The following TK2 variants were observed in gnomAD, a reference collection of about 807,000 sequenced individuals.
The protein encoded by TK2 is thymidine kinase 2, also known as thymidine kinase 2, mitochondrial.
In TK2, 35 loss-of-function variants were observed where a neutral mutation model predicts 41.9. The observed-to-expected ratio is 0.84, with a 90% CI of 0.64 to 1.11. TK2 has a LOEUF of 1.11. TK2 is among the 50% of genes least tolerant of loss of function. TK2 has a pLI of 0.00. For missense variants in TK2, 320 were observed against 351.1 expected, an observed-to-expected ratio of 0.91 and a Z score of 0.71; for synonymous variants, 128 against 129.1, an observed-to-expected ratio of 0.99 and a Z score of 0.06.
In TK2 at chr16:66,535,855, T is replaced by C. The variant is rs1036137254; in HGVS notation, c.285+1109A>G. 5.3e-5 allele frequency among the ~76,000 whole-genome samples: 8 copies of C among 152,344 alleles called. No homozygotes were observed. The South Asian group carries it at 8.3e-4, about 16-fold the overall frequency. ...ACAAAGTAGATACAGTCCCTGCTCC[T>C]AGTAGAACTCAGAGTCTAATGAACC... On this transcript the variant is annotated intron_variant, in intron 4 of 9. Coordinates refer to ENST00000544898, the MANE Select transcript of TK2 (RefSeq NM_004614.5).
At chr16:66,549,584 T>A in intron 1 of TK2, 1 of 1,094,466 alleles carries the variant, frequency 9.1e-7, no homozygotes, top group Non-Finnish European at 1.1e-6. Flanking sequence ...CACCAGAGTG[T>A]GAGCAGAATC....
chr16:66,545,157 GTA>G (rs1160893208), intron 2 of TK2, among the ~76,000 whole-genome samples: 1 of 151,440 alleles, frequency 6.6e-6, no homozygotes, highest in East Asian at 1.9e-4. Flanking sequence ...ATGAATATAT[GTA>G]TATGTTTATG....
At chr16:66,539,526 A>G (rs1300597371) in intron 3 of TK2, among the ~76,000 whole-genome samples, 1 of 148,668 alleles carries the variant, frequency 6.7e-6, no homozygotes, top group Non-Finnish European at 1.5e-5. Context: ...GCTTGAACCC[A>G]GGAGGCGGAG....
At chr16:66,542,024 C>G in intron 2 of TK2, 71 bp from the exon 3 acceptor site, 1 of 1,509,440 alleles carries the variant, frequency 6.6e-7, no homozygotes, top group Non-Finnish European at 9.2e-7. Context: ...ATAATGGCTA[C>G]GGAAAGGGCT....
intron 2 of TK2, among the ~76,000 whole-genome samples, chr16:66,546,035 G>C (rs1266787306): frequency 1.3e-5 from 2 of 152,058 alleles, no homozygotes; most frequent in Non-Finnish European, 2.9e-5. Flanking sequence ...AGATTGCACA[G>C]CCTGGGCAAC....
chr16:66,538,724 CCT>C (rs1317287195), intron 3 of TK2, among the ~76,000 whole-genome samples: 1 of 152,188 alleles, frequency 6.6e-6, no homozygotes, highest in East Asian at 1.9e-4. Context: ...GCCAGGGGAT[CCT>C]CTGTCAGGAA....
chr16:66,513,396 G>A (rs1050348976), intron 9 of TK2, among the ~76,000 whole-genome samples: 3 of 152,164 alleles, frequency 2.0e-5, no homozygotes, highest in South Asian at 2.1e-4. Flanking sequence ...TGTCATCCAC[G>A]GAAGGAGGAA....
In TK2 at chr16:66,511,640, T is replaced by C. The variant is rs1369589387; in HGVS notation, c.*328A>G. 3 of 422,062 alleles carry C rather than the reference T, an allele frequency of 7.1e-6. No individual in the cohort carries two copies. The highest frequency in any genetic ancestry group is 1.3e-5 in the Non-Finnish European group (3 of 224,886). 26.1% of individuals were successfully genotyped at this position (422,062 alleles called of 1,614,324 possible). On this transcript the variant is annotated 3_prime_UTR_variant, in exon 10 of 10. Coordinates refer to ENST00000544898, the MANE Select transcript of TK2 (RefSeq NM_004614.5). ...AAGGCTGAGACGATTGGTACACAGC[T>C]CCAGCGTGGTGTCAGGCACACAACA...
chr16:66,543,565 C>G (rs1965520024), intron 2 of TK2, among the ~76,000 whole-genome samples: 1 of 152,156 alleles, frequency 6.6e-6, no homozygotes, highest in Non-Finnish European at 1.5e-5. Flanking sequence ...TGCACAGAGG[C>G]CTGTTCCTTT....
chr16:66,550,063 G>T lies in TK2; in HGVS notation c.-2C>A, dbSNP rs571395929. Reference sequence around the variant, plus strand: ...GCCCCGCAGCGGCCACAGCAGCATAGCCGGGCGAGCGGATCCAGAGGCCCG... The same window carrying T: ...GCCCCGCAGCGGCCACAGCAGCATATCCGGGCGAGCGGATCCAGAGGCCCG... On this transcript the variant is annotated 5_prime_UTR_variant, in exon 1 of 10. Transcript: ENST00000544898. 1 of 1,585,368 alleles carries T rather than the reference G, an allele frequency of 6.3e-7. No homozygotes were observed. The highest frequency in any genetic ancestry group is 1.1e-5 in the South Asian group (1 of 87,400).
intron 2 of TK2, among the ~76,000 whole-genome samples, chr16:66,544,604 G>C (rs1477826711): frequency 6.6e-6 from 1 of 152,210 alleles, no homozygotes; most frequent in Non-Finnish European, 1.5e-5. Flanking sequence ...TGCTGTGGGA[G>C]CACATGGCCG....
chr16:66,529,531 G>A (rs542983219), intron 5 of TK2, among the ~76,000 whole-genome samples: 11 of 152,224 alleles, frequency 7.2e-5, no homozygotes, highest in Non-Finnish European at 1.3e-4. Context: ...TGGGGGTGAC[G>A]TTCTGGGGGC....
chr16:66,515,290 G>A (rs532327184), intron 8 of TK2, among the ~76,000 whole-genome samples: 4 of 152,042 alleles, frequency 2.6e-5, no homozygotes, highest in South Asian at 2.1e-4. Context: ...TAAACCCTCC[G>A]CTCTGTCTTG....
At chr16:66,548,690 G>A (rs1965683778) in intron 2 of TK2, 4 of 401,196 alleles carry the variant, frequency 1.0e-5, no homozygotes, top group South Asian at 2.9e-5. Flanking sequence ...CACAATGAGC[G>A]TTTTTCAAAT....
rs1440616690 is a variant in TK2 at position 66,510,580 on chromosome 16, A to G, written c.*1388T>C. On this transcript the variant is annotated 3_prime_UTR_variant, in exon 10 of 10. Transcript: ENST00000544898. ...GAGCATTGCATGCACAGGTGCCCACACTCACAGGGGCCTGGGAGCGGCCTT... is the reference window on the plus strand; with the variant it reads ...GAGCATTGCATGCACAGGTGCCCACGCTCACAGGGGCCTGGGAGCGGCCTT... 3 of 152,214 alleles carry G rather than the reference A, an allele frequency of 2.0e-5. No individual in the cohort carries two copies. Among genetic ancestry groups the G allele is most frequent in the Non-Finnish European group, 4.4e-5 (3 of 68,082 alleles). The allele number at this position is 152,214 out of a possible 1,614,324, so 9.4% of individuals were successfully genotyped here.
intron 6 of TK2, among the ~76,000 whole-genome samples, chr16:66,519,825 C>G (rs555881981): frequency 6.6e-6 from 1 of 152,262 alleles, no homozygotes; most frequent in East Asian, 1.9e-4. Context: ...ATGGGAGGCT[C>G]TCAGTGGGGA....
chr16:66,528,683 G>A (rs1965010423), intron 6 of TK2, among the ~76,000 whole-genome samples: 1 of 152,212 alleles, frequency 6.6e-6, no homozygotes, highest in African/African-American at 2.4e-5. Flanking sequence ...TGACAGGCAA[G>A]AGGAAAAGAG....
intron 9 of TK2, among the ~76,000 whole-genome samples, chr16:66,513,022 G>A (rs1964497831): frequency 6.6e-6 from 1 of 151,964 alleles, no homozygotes; most frequent in Non-Finnish European, 1.5e-5. Flanking sequence ...ACCATCTTAG[G>A]TTCCCTCCAA....
chr16:66,535,217 T>C (rs1398959284), intron 4 of TK2, among the ~76,000 whole-genome samples: 1 of 152,234 alleles, frequency 6.6e-6, no homozygotes, highest in Non-Finnish European at 1.5e-5. Context: ...ATCTTTCTTT[T>C]GGTCTAGAGT....
Sources: allele counts gnomAD v4.1 joint callset (sites outside exome capture counted in the v4.1 genomes callset), GRCh38; gene constraint gnomAD v4.1.1; transcripts MANE v1.5; gene names NCBI Gene and HGNC (gene_info 2026-07-23, HGNC 2026-07-21).